Variants in GRM7 observed in about 807,000 individuals in gnomAD.
GRM7 encodes the protein glutamate metabotropic receptor 7, also known as metabotropic glutamate receptor 7.
A neutral mutation model predicts 84.5 loss-of-function variants in GRM7; 35 were observed. The observed-to-expected ratio is 0.41, with a 90% CI of 0.32 to 0.55. The LOEUF is 0.55. GRM7 is among the 20% of genes least tolerant of loss of function. GRM7 has a pLI of 0.19. For synonymous variants in GRM7, 487 were observed against 455.1 expected (o/e 1.07, Z -0.89); for missense variants, 1,003 against 1,194.6 (o/e 0.84, Z 2.36).
intron 9 of GRM7, among the ~76,000 whole-genome samples, chr3:7,690,127 T>G (rs115506400): frequency 0.012 from 1,811 of 152,220 alleles, 35 homozygotes; most frequent in African/African-American, 0.039. Flanking sequence ...TGTGACATGT[T>G]CTGGTACTAG....
chr3:7,727,801 C>G (rs77268245), intron 9 of GRM7, among the ~76,000 whole-genome samples: 2,022 of 152,264 alleles, frequency 0.013, 63 homozygotes, highest in South Asian at 0.094. Flanking sequence ...AGCTTTGTCT[C>G]ACTTCTCCTA....
chr3:7,716,377 A>G (rs1223484445), intron 9 of GRM7, among the ~76,000 whole-genome samples: 1 of 152,204 alleles, frequency 6.6e-6, no homozygotes, highest in Non-Finnish European at 1.5e-5. Flanking sequence ...TTCTGCCTAC[A>G]GGGAAAATAA....
chr3:7,339,895 A>C (rs1701572107), intron 4 of GRM7, among the ~76,000 whole-genome samples: 1 of 152,166 alleles, frequency 6.6e-6, no homozygotes, highest in African/African-American at 2.4e-5. Flanking sequence ...TAGAGAGCAG[A>C]AGAAGAAAAA....
At chr3:7,083,296 G>A (rs1354801453) in intron 1 of GRM7, among the ~76,000 whole-genome samples, 1 of 152,128 alleles carries the variant, frequency 6.6e-6, no homozygotes, top group Non-Finnish European at 1.5e-5. Context: ...CTTGCTGAAG[G>A]CTCAGATGAT....
At chr3:7,189,841 A>G (rs559784918) in intron 2 of GRM7, among the ~76,000 whole-genome samples, 1 of 152,298 alleles carries the variant, frequency 6.6e-6, no homozygotes, top group Non-Finnish European at 1.5e-5. Flanking sequence ...ACATTGCAAC[A>G]TGAGGAATAG....
rs992314295 is a variant in GRM7 at position 6,925,649 on chromosome 3, C to T, written c.519+63742C>T. Among the ~76,000 whole-genome samples, 3 of 152,196 alleles carry T rather than the reference C, an allele frequency of 2.0e-5. No individual in the cohort carries two copies. In the East Asian group the frequency reaches 5.8e-4, roughly 29 times the overall value. ...AAACCAGGTAGTGGTCATCTAGTCT[C>T]ATTTTGAGAGCTCTTGTGATCTGAA... On this transcript the variant is annotated intron_variant, in intron 1 of 9. Coordinates refer to ENST00000357716, the MANE Select transcript of GRM7 (RefSeq NM_000844.4).
At chr3:6,904,057 T>C (rs1179964675) in intron 1 of GRM7, among the ~76,000 whole-genome samples, 1 of 152,168 alleles carries the variant, frequency 6.6e-6, no homozygotes, top group Non-Finnish European at 1.5e-5. Context: ...CGTCTACGTG[T>C]CACTTCTTTT....
intron 5 of GRM7, among the ~76,000 whole-genome samples, chr3:7,435,349 A>T (rs550338210): frequency 6.6e-6 from 1 of 151,890 alleles, no homozygotes; most frequent in East Asian, 1.9e-4. Flanking sequence ...TATTTTTAGT[A>T]GAGACGGGTT....
intron 1 of GRM7, among the ~76,000 whole-genome samples, chr3:7,106,048 A>G (rs2125028088): frequency 6.6e-6 from 1 of 151,974 alleles, no homozygotes; most frequent in African/African-American, 2.4e-5. Flanking sequence ...GGGTACATAG[A>G]CTTTATTTAA....
intron 2 of GRM7, among the ~76,000 whole-genome samples, chr3:7,275,369 T>G (rs150163159): frequency 1.3e-5 from 2 of 152,180 alleles, no homozygotes; most frequent in African/African-American, 4.8e-5. Flanking sequence ...CTAGGCATGA[T>G]GTACCTGCTA....
intron 1 of GRM7, among the ~76,000 whole-genome samples, chr3:6,901,624 A>AAAAAAAAAAAAAAAAAAAAAAAT (rs1696388877): frequency 6.7e-6 from 1 of 148,672 alleles, no homozygotes; most frequent in African/African-American, 2.5e-5. Flanking sequence ...AAAAAAAAAA[A>AAAAAAAAAAAAAAAAAAAAAAAT]AAAAAAAAAA....
chr3:7,456,028 G>A (rs1697995166), intron 6 of GRM7, among the ~76,000 whole-genome samples: 1 of 151,972 alleles, frequency 6.6e-6, no homozygotes, highest in Non-Finnish European at 1.5e-5. Flanking sequence ...TACAAGTTAT[G>A]TTCTTTCTGT....
At position 6,869,789 on chromosome 3, in the gene GRM7, A is replaced by G. The variant is rs188219471; in HGVS notation, c.519+7882A>G. 4.7e-4 allele frequency among the ~76,000 whole-genome samples: 72 copies of G among 152,334 alleles called. 2 individuals are homozygous for G. The highest frequency in any genetic ancestry group is 4.6e-3 in the Admixed American group (71 of 15,294). On this transcript the variant is annotated intron_variant, in intron 1 of 9. Transcript: ENST00000357716. ...ATTCCATGGACTTAAGATAACAGCAAGGCTAAGAGCAGTGGAAGTCTGGCA... is the reference window on the plus strand; with the variant it reads ...ATTCCATGGACTTAAGATAACAGCAGGGCTAAGAGCAGTGGAAGTCTGGCA...
intron 7 of GRM7, among the ~76,000 whole-genome samples, chr3:7,490,358 T>G (rs910114173): frequency 2.6e-5 from 4 of 152,106 alleles, no homozygotes; most frequent in African/African-American, 9.7e-5. Context: ...ATATATGAAC[T>G]GAAGAGGCAC....
At chr3:7,305,983 A>G (rs1700181536) in intron 3 of GRM7, among the ~76,000 whole-genome samples, 1 of 152,188 alleles carries the variant, frequency 6.6e-6, no homozygotes. Context: ...ACTTTCAATC[A>G]TACACAAGTT....
Position 7,538,483 on chromosome 3 carries a change from C to T in GRM7, c.1516-39939C>T, listed in dbSNP as rs142211156. 1.9e-4 allele frequency among the ~76,000 whole-genome samples: 29 copies of T among 152,312 alleles called. No individual in the cohort carries two copies. In the East Asian group the frequency reaches 5.0e-3, roughly 26 times the overall value. Reference sequence around the variant, plus strand: ...GCTGTTCCTGCTCCTGGGCTACAAACAACCATACCAGGCCAGGGAATCTGC... The same window carrying T: ...GCTGTTCCTGCTCCTGGGCTACAAATAACCATACCAGGCCAGGGAATCTGC... On this transcript the variant is annotated intron_variant, in intron 7 of 9. Transcript: ENST00000357716.
chr3:7,597,691 T>C (rs1057056380), intron 8 of GRM7, among the ~76,000 whole-genome samples: 1 of 152,058 alleles, frequency 6.6e-6, no homozygotes, highest in African/African-American at 2.4e-5. Context: ...TCATTTTTGG[T>C]TTGTTTGTTT....
chr3:7,637,409 A>G (rs1014886329), intron 8 of GRM7, among the ~76,000 whole-genome samples: 1 of 152,230 alleles, frequency 6.6e-6, no homozygotes, highest in African/African-American at 2.4e-5. Flanking sequence ...CATTGAGTCA[A>G]AGGAACAAAT....
intron 1 of GRM7, among the ~76,000 whole-genome samples, chr3:7,056,627 C>T (rs1042887046): frequency 7.9e-5 from 12 of 152,028 alleles, no homozygotes; most frequent in East Asian, 1.9e-4. Flanking sequence ...GTAGCTACTA[C>T]GGAAGATAAC....
Sources: gnomAD v4.1 joint callset for allele counts (sites outside exome capture counted in the v4.1 genomes callset) on GRCh38, gnomAD v4.1.1 for gene constraint, MANE v1.5 for transcripts, NCBI Gene and HGNC (gene_info 2026-07-23, HGNC 2026-07-21) for gene names.